DZIP1: variants seen among roughly 807,000 people sequenced by gnomAD.
DZIP1 encodes the protein cilium assembly protein DZIP1.
DZIP1 carries 97 observed loss-of-function variants against 107.6 expected under a neutral mutation model. The observed-to-expected ratio is 0.90, with a 90% CI of 0.77 to 1.07. DZIP1 has a LOEUF of 1.07. Among genes scored for constraint, DZIP1 ranks in the 50% least tolerant of loss-of-function variants. The probability of loss-of-function intolerance (pLI) is 0.00; values close to 1 mark genes in which losing one functional copy is unlikely to be tolerated. For missense variants in DZIP1, 1,035 were observed against 1,063.6 expected (o/e 0.97, Z 0.37); for synonymous variants, 390 against 386.4 (o/e 1.01, Z -0.11).
At chr13:95,584,512 T>G (rs2044100402) in intron 22 of DZIP1, 3 of 876,084 alleles carry the variant, frequency 3.4e-6, no homozygotes, top group Admixed American at 4.7e-5. Flanking sequence ...AATTAAAAAT[T>G]TAAAGACTAA....
intron 12 of DZIP1, among the ~76,000 whole-genome samples, chr13:95,610,809 G>A (rs947787218): frequency 1.3e-5 from 2 of 152,160 alleles, no homozygotes; most frequent in African/African-American, 4.8e-5. Flanking sequence ...TAGTTATTGA[G>A]AGTGAGTTTC....
chr13:95,642,072 G>C lies in DZIP1; in HGVS notation c.-43C>G, dbSNP rs770092938. The C allele has an allele frequency of 6.7e-7, 1 of 1,494,916 alleles. No homozygotes were observed. The highest frequency in any genetic ancestry group is 8.8e-7 in the Non-Finnish European group (1 of 1,132,304). The allele number at this position is 1,494,916 out of a possible 1,614,324, so 92.6% of individuals were successfully genotyped here. A position where few individuals can be genotyped will look rare whatever the true frequency, so the allele number is the denominator to read the frequency against. On this transcript the variant is annotated 5_prime_UTR_variant, in exon 4 of 23. Transcript: ENST00000376829. ...CTTTACCCAGCCTGGGCCGCCTCCC[G>C]GGCCGCCGCCGCCACAGCCCTCAGG...
rs759976241 is a variant in DZIP1, at chr13:95,641,944, TC to T, written c.36+49del. On this transcript the variant is annotated intron_variant, in intron 4 of 22. Coordinates refer to ENST00000376829, the MANE Select transcript of DZIP1 (RefSeq NM_198968.4). This position sits in a 1 kb window ranked among gnomAD's most constrained non-coding sequence, Gnocchi z 4.3. The stretch of plus-strand genomic sequence containing the variant: ...TGGGGGTCCGGGGAAGCCCCGGTTC[TC>T]CCCAGCCCGGCATCCCCGTCGGGGG... The T allele has an allele frequency of 2.0e-6, 3 of 1,533,064 alleles. No individual in the cohort carries two copies. In the African/African-American group the frequency reaches 4.3e-5, roughly 22 times the overall value. 95.0% of individuals were successfully genotyped at this position (1,533,064 alleles called of 1,614,324 possible).
At chr13:95,633,114 A>G (rs1160449670) in intron 6 of DZIP1, 120 bp downstream of exon 6, 2 of 909,016 alleles carry the variant, frequency 2.2e-6, no homozygotes, top group African/African-American at 3.4e-5. Context: ...TACTTACTGA[A>G]TTGACAGGGA....
At chr13:95,628,669 C>T (rs986085228) in intron 7 of DZIP1, among the ~76,000 whole-genome samples, 2 of 152,298 alleles carry the variant, frequency 1.3e-5, no homozygotes, top group Non-Finnish European at 2.9e-5. Flanking sequence ...ATGTGGTATA[C>T]ATACATATAC....
At chr13:95,599,756 G>A (rs866374119) in intron 14 of DZIP1, among the ~76,000 whole-genome samples, 6 of 152,216 alleles carry the variant, frequency 3.9e-5, no homozygotes, top group African/African-American at 1.4e-4. Flanking sequence ...TACTTATAAA[G>A]TATTTCAATC....
At position 95,594,012 on chromosome 13, in the gene DZIP1, T is replaced by A; in HGVS notation, c.1612A>T (p.Thr538Ser). ...RKALKSNSSLTKGLRTMVEQN... is the reference protein window; with the variant it reads ...RKALKSNSSLSKGLRTMVEQN... ...TCCACCATTGTTCTTAGTCCCTTAGTGAGGGAGGAGTTACTCTTCAAAGCT... is the reference window on the plus strand; with the variant it reads ...TCCACCATTGTTCTTAGTCCCTTAGAGAGGGAGGAGTTACTCTTCAAAGCT... The change falls in exon 16 of 23, where the codon ACT becomes TCT. Residue 538 changes from threonine to serine, a missense_variant. Thr to Ser is a moderately conservative substitution (Grantham distance 58). Transcript: ENST00000376829. The A allele has an allele frequency of 6.2e-7, 1 of 1,612,542 alleles. No homozygotes were observed. Among genetic ancestry groups the A allele is most frequent in the Non-Finnish European group, 8.5e-7 (1 of 1,179,388 alleles).
chr13:95,625,825 A>C (rs1876473742), intron 7 of DZIP1, among the ~76,000 whole-genome samples: 2 of 152,168 alleles, frequency 1.3e-5, no homozygotes, highest in South Asian at 4.1e-4. Context: ...AAGAGCCTAC[A>C]TTTAAAAAGA....
In DZIP1 at chr13:95,622,415, T is replaced by C. The variant is rs747184346; in HGVS notation, c.1038A>G (p.Ala346=). 12 of 1,614,254 alleles carry C rather than the reference T, an allele frequency of 7.4e-6. No individual in the cohort carries two copies. Among genetic ancestry groups the C allele is most frequent in the South Asian group, 2.2e-5 (2 of 91,086 alleles). Reference sequence around the variant, plus strand: ...GAGAACGGTCTTCTTTAAACTCGTGTGCATCTTTTAATGTGCCTATGTTGG... The same window carrying C: ...GAGAACGGTCTTCTTTAAACTCGTGCGCATCTTTTAATGTGCCTATGTTGG... ...IKSNIGTLKD[A]HEFKEDRSPY... The change falls in exon 9 of 23, where the codon GCA becomes GCG. Residue 346 remains alanine, a synonymous_variant. Transcript: ENST00000376829.
At chr13:95,615,525 C>T (rs1460185853) in intron 10 of DZIP1, among the ~76,000 whole-genome samples, 1 of 152,222 alleles carries the variant, frequency 6.6e-6, no homozygotes, top group African/African-American at 2.4e-5. Context: ...GACTTATCTA[C>T]TAAATCAAGA....
intron 16 of DZIP1, among the ~76,000 whole-genome samples, 167 bp downstream of exon 16, chr13:95,593,777 C>G (rs978911112): frequency 2.0e-5 from 3 of 152,322 alleles, no homozygotes; most frequent in Middle Eastern, 3.4e-3. Context: ...GTGCCAGGCA[C>G]ACAGTGAATG....
At chr13:95,627,982 A>T (rs1876747599) in intron 7 of DZIP1, among the ~76,000 whole-genome samples, 1 of 152,240 alleles carries the variant, frequency 6.6e-6, no homozygotes, top group South Asian at 2.1e-4. Context: ...TACATGTTAC[A>T]ACTTAGATGA....
intron 16 of DZIP1, among the ~76,000 whole-genome samples, chr13:95,592,658 C>T (rs2044343111): frequency 6.6e-6 from 1 of 152,138 alleles, no homozygotes; most frequent in Admixed American, 6.5e-5. Flanking sequence ...AAAAGAAATG[C>T]CCATGTTCAC....
intron 14 of DZIP1, 129 bp downstream of exon 14, chr13:95,605,874 G>A: frequency 2.2e-6 from 2 of 911,304 alleles, no homozygotes; most frequent in South Asian, 3.3e-5. Context: ...TTTAATAACT[G>A]TTTTGCAATC....
intron 20 of DZIP1, among the ~76,000 whole-genome samples, chr13:95,586,742 TATA>T (rs2044171063): frequency 6.6e-6 from 1 of 151,602 alleles, no homozygotes; most frequent in South Asian, 2.1e-4. Context: ...ATATATTAAA[TATA>T]ATAAATTACA....
Position 95,633,293 on chromosome 13 carries a change from T to C in DZIP1, c.626A>G (p.Asn209Ser). 6.2e-7 allele frequency: 1 copy of C among 1,614,162 alleles called. No homozygotes were observed. Among genetic ancestry groups the C allele is most frequent in the South Asian group, 1.1e-5 (1 of 91,070 alleles). The change falls in exon 6 of 23, where the codon AAC becomes AGC. Residue 209 changes from asparagine to serine, a missense_variant. Transcript: ENST00000376829. The part of the protein sequence containing the change: ...QCHFCDKAFM[N>S]QAFLQSHIQR... ...AATGTGACTTTGTAGAAAAGCTTGGTTCATAAAGGCCTTGTCACAAAAATG... is the reference window on the plus strand; with the variant it reads ...AATGTGACTTTGTAGAAAAGCTTGGCTCATAAAGGCCTTGTCACAAAAATG...
intron 13 of DZIP1, among the ~76,000 whole-genome samples, chr13:95,607,774 G>T (rs936978689): frequency 1.3e-5 from 2 of 152,142 alleles, no homozygotes; most frequent in Non-Finnish European, 2.9e-5. Flanking sequence ...TCACAATTTG[G>T]TCTTTTCTCT....
At chr13:95,630,982 C>A (rs1404148084) in intron 6 of DZIP1, among the ~76,000 whole-genome samples, 3 of 152,108 alleles carry the variant, frequency 2.0e-5, no homozygotes, top group South Asian at 2.1e-4. Flanking sequence ...ATCAGTGATT[C>A]AAGACTTATT....
chr13:95,643,404 G>A (rs75879908), intron 2 of DZIP1, 147 bp from the exon 3 acceptor site: 3 of 152,112 alleles, frequency 2.0e-5, no homozygotes, highest in East Asian at 1.9e-4. Flanking sequence ...AATAAAACAC[G>A]CACTTCATAT....
Sources: allele counts gnomAD v4.1 joint callset (sites outside exome capture counted in the v4.1 genomes callset), GRCh38; gene constraint gnomAD v4.1.1; non-coding constraint Gnocchi (gnomAD v3.1); transcripts MANE v1.5; gene names NCBI Gene and HGNC (gene_info 2026-07-23, HGNC 2026-07-21).